Variants in BRIP1 observed in about 807,000 individuals in gnomAD.
BRIP1 encodes the protein Fanconi anemia group J protein.
A neutral mutation model predicts 119.7 loss-of-function variants in BRIP1; 88 were observed. The ratio of observed to expected loss-of-function variants is 0.74; its 90% confidence interval spans 0.62 to 0.88. The LOEUF (loss-of-function observed/expected upper bound fraction) is 0.88. Among genes scored for constraint, BRIP1 ranks in the 40% least tolerant of loss-of-function variants. The pLI is 0.00. For missense variants in BRIP1, 1,259 were observed against 1,455.4 expected (o/e 0.87, Z 2.20); for synonymous variants, 443 against 496.5 (o/e 0.89, Z 1.43).
rs1279718094 is a variant in BRIP1 at position 61,789,296 on chromosome 17, A to T, written c.1473+4301T>A. Among the ~76,000 whole-genome samples the T allele has an allele frequency of 1.3e-5, 2 of 151,780 alleles. No individual in the cohort carries two copies. The highest frequency in any genetic ancestry group is 2.4e-5 in the African/African-American group (1 of 41,360). ...AAACAAAAAAAAAAAGTTAAAAAAT[A>T]TTTTTTTAATTAAAAAAAGAAAAAT... On this transcript the variant is annotated intron_variant, in intron 10 of 19. Coordinates refer to ENST00000259008, the MANE Select transcript of BRIP1 (RefSeq NM_032043.3). The surrounding 1 kb of genome is among the most constrained non-coding windows in gnomAD (Gnocchi z 4.8).
chr17:61,737,968 G>A (rs962331933), intron 16 of BRIP1, among the ~76,000 whole-genome samples: 1 of 152,220 alleles, frequency 6.6e-6, no homozygotes, highest in Admixed American at 6.5e-5. Flanking sequence ...CAGATGTGAT[G>A]TAAATAGGTA....
rs1000171204 is a variant in BRIP1 at position 61,807,312 on chromosome 17, T to C, written c.918+1155A>G. Among the ~76,000 whole-genome samples, 1 of 152,204 alleles carries C rather than the reference T, an allele frequency of 6.6e-6. No homozygotes were observed. Among genetic ancestry groups the C allele is most frequent in the African/African-American group, 2.4e-5 (1 of 41,460 alleles). ...GGAATTTCACAATTCCTCAGTTAGT[T>C]AGAAATAACTCTTTGGAAATAAATA... On this transcript the variant is annotated intron_variant, in intron 7 of 19. Transcript: ENST00000259008. The surrounding 1 kb of genome is among the most constrained non-coding windows in gnomAD (Gnocchi z 4.5).
intron 4 of BRIP1, among the ~76,000 whole-genome samples, chr17:61,854,895 C>A (rs528358875): frequency 5.9e-4 from 90 of 152,082 alleles, no homozygotes; most frequent in Admixed American, 5.9e-3. Flanking sequence ...CAGCCAATAA[C>A]CAATTTGTGG....
chr17:61,839,385 T>C (rs2078625036), intron 6 of BRIP1, among the ~76,000 whole-genome samples: 1 of 152,090 alleles, frequency 6.6e-6, no homozygotes, highest in Admixed American at 6.5e-5. Flanking sequence ...TCATTTTACC[T>C]ATGTATTTTT....
rs1459834128 is a variant in BRIP1 at position 61,746,144 on chromosome 17, A to G, written c.2098-1553T>C. ...ATTTTTAGAAATAAACTTCTTAATA[A>G]GACTATAAAACAAAACATTAGTAAA... On this transcript the variant is annotated intron_variant, in intron 14 of 19. Coordinates refer to ENST00000259008, the MANE Select transcript of BRIP1 (RefSeq NM_032043.3). The surrounding 1 kb of genome is among the most constrained non-coding windows in gnomAD (Gnocchi z 4.9). 6.6e-6 allele frequency among the ~76,000 whole-genome samples: 1 copy of G among 152,184 alleles called. No individual in the cohort carries two copies. The highest frequency in any genetic ancestry group is 1.5e-5 in the Non-Finnish European group (1 of 68,002).
At chr17:61,747,929 A>C (rs2077080632) in intron 14 of BRIP1, among the ~76,000 whole-genome samples, 2 of 144,788 alleles carry the variant, frequency 1.4e-5, no homozygotes, top group South Asian at 2.2e-4. Flanking sequence ...GTAGGTATGG[A>C]GTCTCACTAT....
rs1393512049 is a variant in BRIP1 at position 61,834,966 on chromosome 17, C to A, written c.627+12135G>T. On this transcript the variant is annotated intron_variant, in intron 6 of 19. Coordinates refer to ENST00000259008, the MANE Select transcript of BRIP1 (RefSeq NM_032043.3). The surrounding 1 kb of genome is among the most constrained non-coding windows in gnomAD (Gnocchi z 4.4). Reference sequence around the variant, plus strand: ...ATAAATGGTTGGTTTGTTACAGCAACAGATAACATTGCATGTGTGTGTGCA... The same window carrying A: ...ATAAATGGTTGGTTTGTTACAGCAAAAGATAACATTGCATGTGTGTGTGCA... Among the ~76,000 whole-genome samples, 2 of 152,180 alleles carry A rather than the reference C, an allele frequency of 1.3e-5. No homozygotes were observed. The highest frequency in any genetic ancestry group is 2.4e-5 in the African/African-American group (1 of 41,442).
rs1307751204 is a variant in BRIP1, at chr17:61,844,621, GA to G, written c.627+2479del. On this transcript the variant is annotated intron_variant, in intron 6 of 19. Coordinates refer to ENST00000259008, the MANE Select transcript of BRIP1 (RefSeq NM_032043.3). The surrounding 1 kb of genome is among the most constrained non-coding windows in gnomAD (Gnocchi z 4.7). Reference sequence around the variant, plus strand: ...TAAAGCAAACAAAAACAATTCCCAAGAAAAAAAAATCTTAATCACAGGTGAC... The same window carrying G: ...TAAAGCAAACAAAAACAATTCCCAAGAAAAAAAATCTTAATCACAGGTGAC... Among the ~76,000 whole-genome samples, 1 of 151,402 alleles carries G rather than the reference GA, an allele frequency of 6.6e-6. No individual in the cohort carries two copies. Among genetic ancestry groups the G allele is most frequent in the Non-Finnish European group, 1.5e-5 (1 of 67,814 alleles).
intron 6 of BRIP1, among the ~76,000 whole-genome samples, chr17:61,811,217 T>C (rs534498242): frequency 6.6e-6 from 1 of 152,174 alleles, no homozygotes; most frequent in Non-Finnish European, 1.5e-5. Context: ...TCTTTTTTTG[T>C]TTTTCTTTTT....
intron 14 of BRIP1, among the ~76,000 whole-genome samples, chr17:61,764,050 T>C (rs978010726): frequency 6.6e-6 from 1 of 152,194 alleles, no homozygotes; most frequent in Non-Finnish European, 1.5e-5. Flanking sequence ...GTGACACCCA[T>C]TCTGGCTCCA....
chr17:61,773,606 C>T (rs1018344816), intron 14 of BRIP1, among the ~76,000 whole-genome samples: 10 of 151,880 alleles, frequency 6.6e-5, no homozygotes, highest in Admixed American at 2.0e-4. Context: ...AAAGAAACTA[C>T]CATCAGAGTG....
In BRIP1 at chr17:61,684,267, G is replaced by A. The variant is rs904774342; in HGVS notation, c.2906-127C>T. 8 of 1,032,960 alleles carry A rather than the reference G, an allele frequency of 7.7e-6. No individual in the cohort carries two copies. Among genetic ancestry groups the A allele is most frequent in the Admixed American group, 5.6e-5 (2 of 35,656 alleles). The allele number at this position is 1,032,960 out of a possible 1,614,324, so 64.0% of individuals were successfully genotyped here. On this transcript the variant is annotated intron_variant, in intron 19 of 19. Coordinates refer to ENST00000259008, the MANE Select transcript of BRIP1 (RefSeq NM_032043.3). This position sits in a 1 kb window ranked among gnomAD's most constrained non-coding sequence, Gnocchi z 4.5. ...GGATACATAACTTAGAGCCCCCAAC[G>A]AATACTAGTGGATTTTCATCTTGGA...
Position 61,690,814 on chromosome 17 carries a change from G to A in BRIP1, c.2575+2616C>T, listed in dbSNP as rs1307078169. Among the ~76,000 whole-genome samples, 3 of 152,036 alleles carry A rather than the reference G, an allele frequency of 2.0e-5. No homozygotes were observed. In the East Asian group the frequency reaches 5.8e-4, roughly 29 times the overall value. On this transcript the variant is annotated intron_variant, in intron 18 of 19. Transcript: ENST00000259008. This position sits in a 1 kb window ranked among gnomAD's most constrained non-coding sequence, Gnocchi z 5.6. Reference sequence around the variant, plus strand: ...AACCCTAAAGATTGAAAAAAAACCTGTTAGGACTAATAAATCCAGTAAAGT... The same window carrying A: ...AACCCTAAAGATTGAAAAAAAACCTATTAGGACTAATAAATCCAGTAAAGT...
chr17:61,765,376 ATAT>A (rs1158229130), intron 14 of BRIP1, among the ~76,000 whole-genome samples: 1 of 50,104 alleles, frequency 2.0e-5, no homozygotes, highest in African/African-American at 9.4e-5. Context: ...GTGTGTGTAT[ATAT>A]TATATATATA....
At position 61,806,255 on chromosome 17, in the gene BRIP1, C is replaced by T. The variant is rs112602713; in HGVS notation, c.918+2212G>A. Among the ~76,000 whole-genome samples the T allele has an allele frequency of 6.6e-5, 10 of 152,292 alleles. No individual in the cohort carries two copies. The highest frequency in any genetic ancestry group is 3.9e-4 in the East Asian group (2 of 5,184). On this transcript the variant is annotated intron_variant, in intron 7 of 19. Transcript: ENST00000259008. The surrounding 1 kb of genome is among the most constrained non-coding windows in gnomAD (Gnocchi z 4.9). ...ACTGTCAGTTATCTATTTATCATTT[C>T]GCTTTGGTAATTCAGTCAAAGTAAA...
intron 3 of BRIP1, among the ~76,000 whole-genome samples, chr17:61,859,452 C>T (rs975228656): frequency 1.3e-5 from 2 of 152,198 alleles, no homozygotes; most frequent in Non-Finnish European, 2.9e-5. Flanking sequence ...CCACCTCAGT[C>T]TCCCAAGTAG....
chr17:61,735,819 A>G lies in BRIP1; in HGVS notation c.2379+7194T>C, dbSNP rs1450846380. ...CTGTTTTCAAAAAAATTTAAAAAAGACTGCCTCTTGGATGGATTAGGAAGA... is the reference window on the plus strand; with the variant it reads ...CTGTTTTCAAAAAAATTTAAAAAAGGCTGCCTCTTGGATGGATTAGGAAGA... On this transcript the variant is annotated intron_variant, in intron 16 of 19. Coordinates refer to ENST00000259008, the MANE Select transcript of BRIP1 (RefSeq NM_032043.3). The surrounding 1 kb of genome is among the most constrained non-coding windows in gnomAD (Gnocchi z 4.4). Among the ~76,000 whole-genome samples, 1 of 151,778 alleles carries G rather than the reference A, an allele frequency of 6.6e-6. No individual in the cohort carries two copies. Among genetic ancestry groups the G allele is most frequent in the Non-Finnish European group, 1.5e-5 (1 of 67,928 alleles).
At position 61,731,030 on chromosome 17, in the gene BRIP1, C is replaced by A. The variant is rs143057083; in HGVS notation, c.2379+11983G>T. On this transcript the variant is annotated intron_variant, in intron 16 of 19. Coordinates refer to ENST00000259008, the MANE Select transcript of BRIP1 (RefSeq NM_032043.3). ...AAACTAGGTTTTAATTTTGGAATTT[C>A]AAGATATACTTAGAAACTGCTTTCA... Among the ~76,000 whole-genome samples, 88 of 147,254 alleles carry A rather than the reference C, an allele frequency of 6.0e-4. 1 individual carries two copies. In the East Asian group the frequency reaches 0.018, roughly 29 times the overall value.
chr17:61,707,849 A>ATT (rs1229577859), intron 17 of BRIP1, among the ~76,000 whole-genome samples: 29 of 141,196 alleles, frequency 2.1e-4, no homozygotes, highest in African/African-American at 5.4e-4. Flanking sequence ...TGGTCTTCAC[A>ATT]TTTTTTTTTT....
Sources: gnomAD v4.1 joint callset for allele counts (sites outside exome capture counted in the v4.1 genomes callset) on GRCh38, gnomAD v4.1.1 for gene constraint, Gnocchi (gnomAD v3.1) non-coding constraint, MANE v1.5 for transcripts, NCBI Gene and HGNC (gene_info 2026-07-23, HGNC 2026-07-21) for gene names.